ZNF518A: variants seen among roughly 807,000 people sequenced by gnomAD.
ZNF518A encodes zinc finger protein 518A.
Under a neutral mutation model 102.7 loss-of-function variants are expected in ZNF518A, and 47 were observed. The ratio of observed to expected loss-of-function variants is 0.46; its 90% CI spans 0.36 to 0.58. The LOEUF (loss-of-function observed/expected upper bound fraction) is 0.58. Ranked by LOEUF, ZNF518A falls within the 20% of genes least tolerant of loss-of-function variation. The pLI is 0.00. For synonymous variants in ZNF518A, 652 were observed against 594.6 expected (o/e 1.10, Z -1.40); for missense variants, 1,793 against 1,699.8 (o/e 1.05, Z -0.96).
In ZNF518A at chr10:96,130,744, T is replaced by TG. The variant is rs2081289532; in HGVS notation, c.-459dup. 6.6e-6 allele frequency: 1 copy of TG among 152,396 alleles called. No individual in the cohort carries two copies. Among genetic ancestry groups the TG allele is most frequent in the African/African-American group, 2.4e-5 (1 of 41,464 alleles). The allele number at this position is 152,396 out of a possible 1,614,324, so 9.4% of individuals were successfully genotyped here. ...TGACGCGCTCGCTCTTCTCCAGAGTTGGCCAAAGGTGCTCTTCCCCGCAGA... is the reference window on the plus strand; with the variant it reads ...TGACGCGCTCGCTCTTCTCCAGAGTTGGGCCAAAGGTGCTCTTCCCCGCAGA... On this transcript the variant is annotated 5_prime_UTR_variant, in exon 1 of 6. The change abolishes the stop of an existing upstream ORF in the 5' untranslated region. Transcript: ENST00000316045.
downstream of ZNF518A, among the ~76,000 whole-genome samples, chr10:96,168,440 T>G (rs587607498): frequency 6.6e-6 from 1 of 152,204 alleles, no homozygotes; most frequent in Non-Finnish European, 1.5e-5. Flanking sequence ...TTCCAGTGTT[T>G]TTTTTTTTTC....
chr10:96,172,980 TATG>T (rs2083182228), intron 1 of ZNF518A, among the ~76,000 whole-genome samples: 1 of 152,140 alleles, frequency 6.6e-6, no homozygotes, highest in African/African-American at 2.4e-5. Flanking sequence ...TAGTTAGGCT[TATG>T]ATGATTGTGT....
At chr10:96,177,150 A>T (rs1591276131) in intron 1 of ZNF518A, among the ~76,000 whole-genome samples, 1 of 152,168 alleles carries the variant, frequency 6.6e-6, no homozygotes, top group African/African-American at 2.4e-5. Context: ...AGAGGAAGAA[A>T]GTACACATAT....
chr10:96,137,052 G>C (rs2081629931), intron 3 of ZNF518A, among the ~76,000 whole-genome samples: 2 of 152,242 alleles, frequency 1.3e-5, no homozygotes, highest in Middle Eastern at 3.2e-3. Context: ...CAGCAGGCCA[G>C]ATTTGGCCTG....
chr10:96,152,432 G>A (rs1245032404), intron 3 of ZNF518A, among the ~76,000 whole-genome samples: 4 of 152,144 alleles, frequency 2.6e-5, no homozygotes, highest in Non-Finnish European at 5.9e-5. Flanking sequence ...TTTTTATGTT[G>A]AGACGTTCAC....
Position 96,160,653 on chromosome 10 carries a change from T to C in ZNF518A, c.4331T>C (p.Ile1444Thr). 6.2e-7 allele frequency: 1 copy of C among 1,613,226 alleles called. No homozygotes were observed. Among genetic ancestry groups the C allele is most frequent in the Non-Finnish European group, 8.5e-7 (1 of 1,179,496 alleles). ...ATTGTGAAGACTACCTCTGAAAATA[T>C]TTTGAAGGCTAAATTTAACTGTTGG... ...YQIVKTTSEN[I>T]LKAKFNCWFC... Residue 1444 changes from isoleucine to threonine, a missense_variant, in exon 6 of 6, where the codon ATT becomes ACT. This residue lies in a region of ZNF518A where 30 missense variants were observed against 61.1 expected (regional missense o/e 0.49). Transcript: ENST00000316045.
intron 1 of ZNF518A, among the ~76,000 whole-genome samples, chr10:96,183,707 A>G (rs1554892243): frequency 6.6e-6 from 1 of 152,150 alleles, no homozygotes; most frequent in African/African-American, 2.4e-5. Context: ...GTTCTTCTGC[A>G]TTTGCTGAGG....
chr10:96,203,711 A>G, intron 2 of ZNF518A: 1 of 183,062 alleles, frequency 5.5e-6, no homozygotes, highest in Non-Finnish European at 1.1e-5. Context: ...AGAACCAAAC[A>G]CTATAGCTGG....
At chr10:96,148,669 G>A (rs1235096654) in intron 3 of ZNF518A, among the ~76,000 whole-genome samples, 1 of 152,128 alleles carries the variant, frequency 6.6e-6, no homozygotes, top group Non-Finnish European at 1.5e-5. Context: ...AGCTCTTTGG[G>A]CTGGGCCAGG....
chr10:96,180,304 G>A (rs900412585), intron 1 of ZNF518A, among the ~76,000 whole-genome samples: 2 of 149,166 alleles, frequency 1.3e-5, no homozygotes, highest in African/African-American at 2.5e-5. Context: ...AATTACAGGT[G>A]TGAGCCACTG....
intron 1 of ZNF518A, among the ~76,000 whole-genome samples, chr10:96,197,642 G>A (rs1450094001): frequency 6.6e-6 from 1 of 152,098 alleles, no homozygotes; most frequent in African/African-American, 2.4e-5. Flanking sequence ...AGTACTATAA[G>A]AAGAAAACAG....
Position 96,157,753 on chromosome 10 carries a change from A to G in ZNF518A, c.1431A>G (p.Ala477=), listed in dbSNP as rs587709052. The G allele has an allele frequency of 1.2e-6, 2 of 1,613,912 alleles. No individual in the cohort carries two copies. Among genetic ancestry groups the G allele is most frequent in the African/African-American group, 2.7e-5 (2 of 75,068 alleles). The part of the protein sequence containing the change: ...VCSPGSQSGA[A]KDGTANLQPQ... ...CACCAGGCTCACAGTCAGGTGCTGC[A>G]AAGGACGGTACTGCTAATTTGCAGC... The change falls in exon 6 of 6, where the codon GCA becomes GCG. Residue 477 remains alanine (A), a synonymous_variant. Coordinates refer to ENST00000316045, the MANE Select transcript of ZNF518A (RefSeq NM_001330736.2).
In ZNF518A at chr10:96,159,323, C is replaced by T. The variant is rs782808939; in HGVS notation, c.3001C>T (p.Arg1001Cys). The T allele has an allele frequency of 2.7e-5, 44 of 1,613,414 alleles. 1 individual carries two copies. The Admixed American group carries it at 3.2e-4, about 12-fold the overall frequency. Residue 1001 changes from arginine to cysteine, a missense_variant, in exon 6 of 6, where the codon CGT becomes TGT. Coordinates refer to ENST00000316045, the MANE Select transcript of ZNF518A (RefSeq NM_001330736.2). ...TGTCAAAACCGAGGGTGCCCCAGCT[C>T]GTGGAACTGTGACTAAGGAGCCTTG... ...SAVKTEGAPA[R>C]GTVTKEPCKT...
intron 1 of ZNF518A, chr10:96,203,564 A>G (rs1177980629): frequency 6.6e-6 from 1 of 152,626 alleles, no homozygotes. Context: ...TCCGATTCAT[A>G]TATTTTTAGG....
chr10:96,195,924 T>G (rs2083454327), intron 1 of ZNF518A, among the ~76,000 whole-genome samples: 1 of 152,244 alleles, frequency 6.6e-6, no homozygotes. Flanking sequence ...GCTTAATAAT[T>G]ATTTATCAAG....
At chr10:96,199,940 C>A in intron 1 of ZNF518A, 1 of 482,642 alleles carries the variant, frequency 2.1e-6, no homozygotes, top group Admixed American at 4.0e-5. Flanking sequence ...ATGAGAATCA[C>A]TTGAACTTGG....
rs144651641 is a variant in ZNF518A at position 96,158,657 on chromosome 10, C to T, written c.2335C>T (p.Leu779=). ...SLQSQQASEF[L]PPEVNQLLQD... ...CCAGAGCCAACAGGCATCAGAATTT[C>T]TGCCACCTGAAGTAAACCAATTGCT... The change falls in exon 6 of 6, where the codon CTG becomes TTG. Residue 779 remains leucine, a synonymous_variant. Transcript: ENST00000316045. 758 of 1,613,284 alleles carry T rather than the reference C, an allele frequency of 4.7e-4. 3 individuals are homozygous for T. In the African/African-American group the frequency reaches 5.6e-3, roughly 12 times the overall value.
chr10:96,133,564 T>C lies in ZNF518A; in HGVS notation c.-367-19T>C, dbSNP rs1350264680. The C allele has an allele frequency of 6.6e-6, 1 of 152,226 alleles. No homozygotes were observed. Among genetic ancestry groups the C allele is most frequent in the African/African-American group, 2.4e-5 (1 of 41,462 alleles). 9.4% of individuals were successfully genotyped at this position (152,226 alleles called of 1,614,324 possible). A position where few individuals can be genotyped will look rare whatever the true frequency, so the allele number is the denominator to read the frequency against. On this transcript the variant is annotated intron_variant, in intron 2 of 5. Coordinates refer to ENST00000316045, the MANE Select transcript of ZNF518A (RefSeq NM_001330736.2). ...CTACCCTCAAAACACAGATGTCTCC[T>C]ACTCTTTGTGTTGGATAGGTCCTGG...
intron 3 of ZNF518A, among the ~76,000 whole-genome samples, chr10:96,148,776 C>T (rs1177317927): frequency 6.6e-6 from 1 of 152,224 alleles, no homozygotes; most frequent in Non-Finnish European, 1.5e-5. Context: ...AGTGCAGTGG[C>T]ATGGTCTCGG....
Sources: gnomAD v4.1 joint callset for allele counts (sites outside exome capture counted in the v4.1 genomes callset) on GRCh38, gnomAD v4.1.1 for gene constraint, gnomAD v4.1.1 regional missense constraint, MANE v1.5 for transcripts, NCBI Gene and HGNC (gene_info 2026-07-23, HGNC 2026-07-21) for gene names.